The following DCLK1 variants were observed in gnomAD, a reference collection of about 807,000 sequenced individuals.
The protein encoded by DCLK1 is doublecortin like kinase 1.
In DCLK1, 16 loss-of-function variants were observed where a neutral mutation model predicts 86.2. The observed-to-expected ratio is 0.19, with a 90% CI of 0.13 to 0.28. The LOEUF (loss-of-function observed/expected upper bound fraction) is 0.28. Among genes scored for constraint, DCLK1 ranks in the 10% least tolerant of loss-of-function variants. The pLI is 1.00. For synonymous variants in DCLK1, 369 were observed against 370.5 expected (o/e 1.00, Z 0.05); for missense variants, 590 against 940.2 (o/e 0.63, Z 4.87).
chr13:35,970,677 A>T (rs1249730699), intron 3 of DCLK1, among the ~76,000 whole-genome samples: 1 of 152,150 alleles, frequency 6.6e-6, no homozygotes, highest in African/African-American at 2.4e-5. Context: ...CCCTTACCAG[A>T]CACCTAACCT....
chr13:36,066,440 A>G (rs1883754341), intron 3 of DCLK1, among the ~76,000 whole-genome samples: 1 of 152,204 alleles, frequency 6.6e-6, no homozygotes, highest in South Asian at 2.1e-4. Flanking sequence ...AAGAAACAAG[A>G]TATTGTTTGA....
chr13:35,905,028 G>C (rs1049348027), intron 4 of DCLK1, among the ~76,000 whole-genome samples: 2 of 152,166 alleles, frequency 1.3e-5, no homozygotes, highest in African/African-American at 4.8e-5. Context: ...CAGGGCAGGA[G>C]CCTGGCCTGT....
At chr13:35,955,089 T>C (rs956953534) in intron 3 of DCLK1, among the ~76,000 whole-genome samples, 4 of 152,188 alleles carry the variant, frequency 2.6e-5, no homozygotes, top group Non-Finnish European at 5.9e-5. Flanking sequence ...ACATACCCTC[T>C]GACCCAGGAA....
chr13:35,951,672 T>A (rs1034599558), intron 3 of DCLK1, among the ~76,000 whole-genome samples: 2 of 151,990 alleles, frequency 1.3e-5, no homozygotes, highest in African/African-American at 2.4e-5. Flanking sequence ...TTCTAGTATA[T>A]GTTTACAGAC....
intron 3 of DCLK1, among the ~76,000 whole-genome samples, chr13:36,089,344 T>C (rs550313019): frequency 2.0e-5 from 3 of 152,374 alleles, no homozygotes; most frequent in East Asian, 3.9e-4. Flanking sequence ...CCTGCTGGCC[T>C]GCTAGGCCTG....
At chr13:36,053,999 T>C (rs1205862249) in intron 3 of DCLK1, among the ~76,000 whole-genome samples, 1 of 152,128 alleles carries the variant, frequency 6.6e-6, no homozygotes, top group African/African-American at 2.4e-5. Context: ...AAAGCAGAAT[T>C]GGATAGCAAT....
chr13:35,854,458 C>A, intron 6 of DCLK1, 41 bp downstream of exon 6: 1 of 1,518,918 alleles, frequency 6.6e-7, no homozygotes, highest in Non-Finnish European at 8.9e-7. Flanking sequence ...TGCACCAAGG[C>A]TGAGACAGGT....
chr13:35,918,892 G>GCTTTTTTTTTTTT (rs1875600883), intron 4 of DCLK1, among the ~76,000 whole-genome samples: 1 of 76,310 alleles, frequency 1.3e-5, no homozygotes, highest in Non-Finnish European at 2.5e-5. Context: ...TTCTGAGTGT[G>GCTTTTTTTTTTTT]TTTTTTTTTT....
intron 6 of DCLK1, chr13:35,847,689 C>T: frequency 1.1e-6 from 1 of 944,300 alleles, no homozygotes; most frequent in African/African-American, 1.9e-5. Flanking sequence ...ATCTTCAGGG[C>T]ATGTGTTGGA....
chr13:35,952,431 A>C lies in DCLK1; in HGVS notation c.724-4974T>G, dbSNP rs79330018. 9.4e-3 allele frequency among the ~76,000 whole-genome samples: 1,427 copies of C among 152,286 alleles called. 23 individuals carry two copies. The highest frequency in any genetic ancestry group is 0.032 in the African/African-American group (1,342 of 41,542). The stretch of plus-strand genomic sequence containing the variant: ...AGGTGGGACACGGTTTATACCACTG[A>C]CTTCCATTAGGCTTCCACAGAATGA... On this transcript the variant is annotated intron_variant, in intron 3 of 16. Coordinates refer to ENST00000360631, the MANE Select transcript of DCLK1 (RefSeq NM_001330071.2).
chr13:35,929,373 C>T lies in DCLK1; in HGVS notation c.823+17985G>A, dbSNP rs180817582. Among the ~76,000 whole-genome samples the T allele has an allele frequency of 1.2e-4, 18 of 152,292 alleles. No individual in the cohort carries two copies. The East Asian group carries it at 3.3e-3, about 28-fold the overall frequency. On this transcript the variant is annotated intron_variant, in intron 4 of 16. Transcript: ENST00000360631. The stretch of plus-strand genomic sequence containing the variant: ...AATCTATAAAAGCAGATTTTTCTTT[C>T]TCCAGAGCTAATAAATTCAAAAGCT...
chr13:36,029,750 A>C (rs1354574245), intron 3 of DCLK1, among the ~76,000 whole-genome samples: 3 of 152,176 alleles, frequency 2.0e-5, no homozygotes, highest in Non-Finnish European at 4.4e-5. Flanking sequence ...CAATGGAAAA[A>C]CAAGATCTGT....
At chr13:35,908,697 G>A (rs544726719) in intron 4 of DCLK1, among the ~76,000 whole-genome samples, 3 of 152,246 alleles carry the variant, frequency 2.0e-5, no homozygotes, top group African/African-American at 7.2e-5. Context: ...GTGCAATGGC[G>A]TGATCTTGGC....
intron 11 of DCLK1, among the ~76,000 whole-genome samples, chr13:35,816,220 G>A (rs967049395): frequency 2.0e-5 from 3 of 152,154 alleles, no homozygotes; most frequent in African/African-American, 4.8e-5. Context: ...TATCCAATAT[G>A]TCATAGTAGG....
intron 11 of DCLK1, among the ~76,000 whole-genome samples, chr13:35,817,107 G>A (rs1431378075): frequency 6.6e-6 from 1 of 152,156 alleles, no homozygotes; most frequent in African/African-American, 2.4e-5. Context: ...AAAGAAATGA[G>A]TGTCATCTCT....
intron 11 of DCLK1, among the ~76,000 whole-genome samples, chr13:35,816,296 C>A (rs931832841): frequency 1.3e-5 from 2 of 152,174 alleles, no homozygotes; most frequent in African/African-American, 4.8e-5. Flanking sequence ...GAAATAAACA[C>A]TGTTCATATT....
intron 3 of DCLK1, among the ~76,000 whole-genome samples, chr13:35,988,288 G>A (rs567917049): frequency 6.6e-6 from 1 of 152,304 alleles, no homozygotes; most frequent in South Asian, 2.1e-4. Context: ...CCCACGCCCA[G>A]GCTGTTGGCG....
At chr13:35,951,148 C>A (rs1355889317) in intron 3 of DCLK1, among the ~76,000 whole-genome samples, 4 of 151,892 alleles carry the variant, frequency 2.6e-5, no homozygotes, top group Non-Finnish European at 5.9e-5. Context: ...ATTCCAGATG[C>A]CTCAAAATCT....
In DCLK1 at chr13:36,090,341, C is replaced by T. The variant is rs540240720; in HGVS notation, c.723+21528G>A. On this transcript the variant is annotated intron_variant, in intron 3 of 16. Transcript: ENST00000360631. ...AAAATACCCCCGAGGAGCCCTTCTT[C>T]TTAGAGGAGTCATTGAAAAGATCAG... 2.0e-4 allele frequency among the ~76,000 whole-genome samples: 31 copies of T among 152,224 alleles called. No individual in the cohort carries two copies. In the South Asian group the frequency reaches 5.6e-3, roughly 28 times the overall value.
Sources: allele counts gnomAD v4.1 joint callset (sites outside exome capture counted in the v4.1 genomes callset), GRCh38; gene constraint gnomAD v4.1.1; transcripts MANE v1.5; gene names NCBI Gene and HGNC (gene_info 2026-07-23, HGNC 2026-07-21).